The following FABP12 variants were observed in gnomAD, a reference collection of about 807,000 sequenced individuals.
FABP12 encodes fatty acid-binding protein 12.
Under a neutral mutation model 13.7 loss-of-function variants are expected in FABP12, and 19 were observed. The ratio of observed to expected loss-of-function variants is 1.39; its 90% CI spans 0.97 to 2.04. The LOEUF (loss-of-function observed/expected upper bound fraction) is 2.04, where lower values mean the gene tolerates loss of function less well. Among genes scored for constraint, FABP12 ranks in the 30% most tolerant of loss-of-function variants. FABP12 has a pLI of 0.00. For synonymous variants in FABP12, 61 were observed against 57.0 expected (o/e 1.07, Z -0.32); for missense variants, 182 against 164.2 (o/e 1.11, Z -0.59).
At chr8:81,548,511 G>C (rs1236154512) in intron 1 of FABP12, among the ~76,000 whole-genome samples, 1 of 152,264 alleles carries the variant, frequency 6.6e-6, no homozygotes, top group East Asian at 1.9e-4. Flanking sequence ...AGGGAATGTC[G>C]AGGGGCCACT....
intron 1 of FABP12, among the ~76,000 whole-genome samples, chr8:81,567,688 A>G (rs1437603529): frequency 6.6e-6 from 1 of 152,214 alleles, no homozygotes; most frequent in Admixed American, 6.5e-5. Flanking sequence ...ATCTAAGTCC[A>G]CAAACTATGA....
chr8:81,579,490 T>C (rs1002706029), intron 1 of FABP12, among the ~76,000 whole-genome samples: 1 of 152,188 alleles, frequency 6.6e-6, no homozygotes, highest in Admixed American at 6.5e-5. Context: ...AATGTTTAGA[T>C]TGACAAATAT....
At chr8:81,529,495 G>T in exon 3 of FABP12, 1 of 1,613,946 alleles carries the variant, frequency 6.2e-7, no homozygotes, top group Non-Finnish European at 8.5e-7. Context: ...GCTTAAAGGA[G>T]ATCTCATTAT....
At chr8:81,541,749 T>A (rs1809347745) in intron 1 of FABP12, among the ~76,000 whole-genome samples, 1 of 151,902 alleles carries the variant, frequency 6.6e-6, no homozygotes, top group African/African-American at 2.4e-5. Context: ...ATGCTGACGA[T>A]ACTTGGATTT....
chr8:81,566,641 A>C (rs558990897), intron 1 of FABP12, among the ~76,000 whole-genome samples: 1 of 151,562 alleles, frequency 6.6e-6, no homozygotes, highest in African/African-American at 2.4e-5. Flanking sequence ...AAAAAACCAT[A>C]TATAGATGGA....
chr8:81,545,047 T>C (rs1044093228), intron 1 of FABP12, among the ~76,000 whole-genome samples: 1 of 152,028 alleles, frequency 6.6e-6, no homozygotes, highest in South Asian at 2.1e-4. Context: ...TTTGGGACAG[T>C]TTCATTCTTG....
At chr8:81,581,467 G>A (rs1263416092) in intron 1 of FABP12, among the ~76,000 whole-genome samples, 2 of 152,202 alleles carry the variant, frequency 1.3e-5, no homozygotes, top group Non-Finnish European at 1.5e-5. Context: ...ATAAGGGAAT[G>A]TAACATTTCT....
At chr8:81,554,777 A>G (rs960309767) in intron 1 of FABP12, among the ~76,000 whole-genome samples, 4 of 152,100 alleles carry the variant, frequency 2.6e-5, no homozygotes, top group Non-Finnish European at 5.9e-5. Context: ...TATAAAATAC[A>G]CCAACACTAA....
intron 1 of FABP12, among the ~76,000 whole-genome samples, chr8:81,541,936 A>T (rs1467433784): frequency 6.6e-6 from 1 of 150,722 alleles, no homozygotes; most frequent in Non-Finnish European, 1.5e-5. Flanking sequence ...AAAAAAAAAA[A>T]AAAAAGACAA....
exon 5 of FABP12, chr8:81,525,074 A>G: frequency 6.3e-7 from 1 of 1,597,980 alleles, no homozygotes; most frequent in Non-Finnish European, 8.5e-7. Flanking sequence ...GTTTGATGAT[A>G]CTTTCTCGTA....
chr8:81,531,050 C>T (rs1272552537), intron 2 of FABP12, among the ~76,000 whole-genome samples, 193 bp downstream of exon 2: 2 of 152,030 alleles, frequency 1.3e-5, no homozygotes, highest in East Asian at 3.9e-4. Context: ...TTAATGGTAA[C>T]TTATATGAGA....
At chr8:81,587,548 C>T (rs1275136225) in intron 1 of FABP12, among the ~76,000 whole-genome samples, 1 of 151,974 alleles carries the variant, frequency 6.6e-6, no homozygotes, top group Admixed American at 6.6e-5. Flanking sequence ...ATTATTTTGG[C>T]TATTTTGAAG....
chr8:81,553,704 T>C (rs1809561826), intron 1 of FABP12, among the ~76,000 whole-genome samples: 1 of 152,210 alleles, frequency 6.6e-6, no homozygotes, highest in African/African-American at 2.4e-5. Flanking sequence ...TCTCATACTT[T>C]CATAAGTTTT....
intron 1 of FABP12, among the ~76,000 whole-genome samples, chr8:81,561,590 C>T (rs1159261641): frequency 1.3e-5 from 2 of 152,300 alleles, no homozygotes; most frequent in African/African-American, 4.8e-5. Flanking sequence ...GTAGGAAAGA[C>T]AGTCTTGAAT....
intron 1 of FABP12, among the ~76,000 whole-genome samples, chr8:81,551,269 T>C (rs1188301173): frequency 2.0e-5 from 3 of 152,170 alleles, no homozygotes; most frequent in Non-Finnish European, 2.9e-5. Flanking sequence ...AATGTGAAGC[T>C]ATGATTTAAA....
At chr8:81,551,490 A>T (rs1261895102) in intron 1 of FABP12, among the ~76,000 whole-genome samples, 1 of 152,128 alleles carries the variant, frequency 6.6e-6, no homozygotes, top group Non-Finnish European at 1.5e-5. Flanking sequence ...TACATTTCAG[A>T]GGTGAAATAC....
At chr8:81,529,399 T>A in intron 3 of FABP12, 39 bp downstream of exon 3, 2 of 1,601,474 alleles carry the variant, frequency 1.2e-6, no homozygotes, top group Non-Finnish European at 1.7e-6. Flanking sequence ...TGACTAACAT[T>A]CTTTTGAAAT....
intron 1 of FABP12, among the ~76,000 whole-genome samples, chr8:81,557,931 A>G (rs1272533099): frequency 3.3e-5 from 5 of 152,286 alleles, no homozygotes; most frequent in African/African-American, 1.2e-4. Context: ...CCTGGTACTC[A>G]TGGCCTTGGC....
intron 1 of FABP12, among the ~76,000 whole-genome samples, chr8:81,562,473 G>A (rs529437801): frequency 1.3e-5 from 2 of 152,148 alleles, no homozygotes; most frequent in East Asian, 3.9e-4. Context: ...GTCATCTTGG[G>A]GTTCCCAATT....
Sources: allele counts gnomAD v4.1 joint callset (sites outside exome capture counted in the v4.1 genomes callset), GRCh38; gene constraint gnomAD v4.1.1; transcripts MANE v1.5; gene names NCBI Gene and HGNC (gene_info 2026-07-23, HGNC 2026-07-21).